Variants in ACTR3C observed in about 807,000 individuals in gnomAD.
ACTR3C encodes actin-related protein 3C.
Under a neutral mutation model 26.3 loss-of-function variants are expected in ACTR3C, and 18 were observed. The observed-to-expected ratio is 0.68, with a 90% confidence interval of 0.47 to 1.01. The LOEUF (loss-of-function observed/expected upper bound fraction) is 1.01, where lower values mean the gene tolerates loss of function less well. Among genes scored for constraint, ACTR3C ranks in the 50% least tolerant of loss-of-function variants. The pLI, the probability that ACTR3C is intolerant of heterozygous loss-of-function variation, is 0.00. For missense variants in ACTR3C, 184 were observed against 250.7 expected (o/e 0.73, Z 1.80); for synonymous variants, 55 against 94.5 (o/e 0.58, Z 2.42).
chr7:150,211,068 A>AGG, the ACTR3C span, among the ~76,000 whole-genome samples: 1 of 150,074 alleles, frequency 6.7e-6, no homozygotes, highest in Non-Finnish European at 1.5e-5. Context: ...AATATGACAA[A>AGG]CACCAATTAA....
the ACTR3C span, among the ~76,000 whole-genome samples, chr7:150,042,569 C>CA: frequency 7.0e-6 from 1 of 142,564 alleles, no homozygotes; most frequent in African/African-American, 2.6e-5. Flanking sequence ...TCTGAGTCCC[C>CA]GCCTCGCGGG....
At chr7:149,919,033 T>C in the ACTR3C span, among the ~76,000 whole-genome samples, 3 of 152,218 alleles carry the variant, frequency 2.0e-5, no homozygotes, top group African/African-American at 7.2e-5. Flanking sequence ...CAGCCTTCTC[T>C]ACAAGTTTTC....
chr7:149,949,418 G>A, the ACTR3C span, among the ~76,000 whole-genome samples: 4 of 145,480 alleles, frequency 2.7e-5, 1 homozygote, highest in African/African-American at 1.1e-4. Flanking sequence ...AAGGAAGGAA[G>A]GAAGGAAGGA....
intron 3 of ACTR3C, among the ~76,000 whole-genome samples, chr7:150,290,342 G>T (rs1027092626): frequency 1.3e-5 from 2 of 152,210 alleles, no homozygotes; most frequent in African/African-American, 4.8e-5. Flanking sequence ...GCAATGATGG[G>T]CCCAAAGCTC....
the ACTR3C span, among the ~76,000 whole-genome samples, chr7:150,146,590 G>A: frequency 9.2e-5 from 14 of 151,942 alleles, no homozygotes; most frequent in East Asian, 2.3e-3. Flanking sequence ...CACATTTCTT[G>A]GCCTCCTTTG....
the ACTR3C span, among the ~76,000 whole-genome samples, chr7:149,897,888 TA>T: frequency 6.6e-6 from 1 of 151,302 alleles, no homozygotes. Flanking sequence ...AAAAAAAAAA[TA>T]AAAAAGAGTG....
chr7:150,299,646 C>T lies in ACTR3C; in HGVS notation c.-51-4299G>A, dbSNP rs1268794735. Among the ~76,000 whole-genome samples the T allele has an allele frequency of 4.6e-5, 7 of 151,796 alleles. No individual in the cohort carries two copies. The East Asian group carries it at 7.8e-4, about 17-fold the overall frequency. On this transcript the variant is annotated intron_variant, in intron 1 of 7. Transcript: ENST00000683684. The stretch of plus-strand genomic sequence containing the variant: ...GCTAAAAATACAAAAATTAGCTGGG[C>T]GTGGTGGTGCACGCCTGTAATCCCA...
At chr7:150,143,092 A>G in the ACTR3C span, among the ~76,000 whole-genome samples, 1 of 152,178 alleles carries the variant, frequency 6.6e-6, no homozygotes, top group Non-Finnish European at 1.5e-5. Context: ...TAGGCCTCCC[A>G]AAGTGCTGGG....
rs1303879857 is a variant in ACTR3C at position 150,287,555 on chromosome 7, G to A, written c.298-1015C>T. On this transcript the variant is annotated intron_variant, in intron 4 of 7. Coordinates refer to ENST00000683684, the MANE Select transcript of ACTR3C (RefSeq NM_001164458.2). ...ACCCCCAGATACTTGCTGCCTACAG[G>A]AAGCACGAGGTGGGCCGCCCAGCTG... Among the ~76,000 whole-genome samples the A allele has an allele frequency of 2.6e-5, 4 of 152,212 alleles. No homozygotes were observed. In the South Asian group the frequency reaches 8.3e-4, roughly 32 times the overall value.
chr7:149,905,049 AAATAAT>A, the ACTR3C span, among the ~76,000 whole-genome samples: 2 of 151,570 alleles, frequency 1.3e-5, no homozygotes, highest in East Asian at 3.9e-4. Flanking sequence ...ATAAAAATAA[AAATAAT>A]AATAATAATC....
chr7:150,030,824 G>A, the ACTR3C span, among the ~76,000 whole-genome samples: 2 of 149,262 alleles, frequency 1.3e-5, no homozygotes, highest in South Asian at 4.1e-4. Context: ...CTGCAGGGCT[G>A]ACCGCTGCAT....
At chr7:150,162,433 C>A in the ACTR3C span, among the ~76,000 whole-genome samples, 1 of 152,092 alleles carries the variant, frequency 6.6e-6, no homozygotes, top group Non-Finnish European at 1.5e-5. Context: ...TCAAGCAATT[C>A]TCCTGCCTCA....
chr7:150,256,175 G>A (rs1208851137), intron 6 of ACTR3C, among the ~76,000 whole-genome samples: 1 of 152,214 alleles, frequency 6.6e-6, no homozygotes, highest in Non-Finnish European at 1.5e-5. Flanking sequence ...GTCCTCCATG[G>A]ATGGACATCT....
the ACTR3C span, among the ~76,000 whole-genome samples, chr7:150,045,811 G>A: frequency 2.0e-5 from 3 of 152,022 alleles, no homozygotes. Flanking sequence ...TTCTCCTAGC[G>A]ACACCTAGAG....
chr7:150,278,938 C>T (rs370066251), intron 6 of ACTR3C, among the ~76,000 whole-genome samples: 1 of 152,146 alleles, frequency 6.6e-6, no homozygotes, highest in East Asian at 1.9e-4. Context: ...ACAAAAAAAC[C>T]AATGATATGT....
downstream of ACTR3C, among the ~76,000 whole-genome samples, chr7:150,239,865 C>T (rs926936419): frequency 6.6e-6 from 1 of 151,978 alleles, no homozygotes; most frequent in Non-Finnish European, 1.5e-5. Context: ...GATCCTCCCA[C>T]CTCAGCCTCC....
At chr7:150,250,065 T>C (rs141525018) in intron 6 of ACTR3C, among the ~76,000 whole-genome samples, 10,296 of 151,768 alleles carry the variant, frequency 0.068, 1,143 homozygotes, top group African/African-American at 0.24. Flanking sequence ...GAGGGGTGGC[T>C]GGAGCTTCGC....
At chr7:150,226,744 C>A in the ACTR3C span, among the ~76,000 whole-genome samples, 1 of 152,008 alleles carries the variant, frequency 6.6e-6, no homozygotes, top group Non-Finnish European at 1.5e-5. Flanking sequence ...CGCCTCATTG[C>A]CGTTTTAATT....
the ACTR3C span, among the ~76,000 whole-genome samples, chr7:150,220,056 A>G: frequency 2.0e-5 from 3 of 146,990 alleles, no homozygotes; most frequent in Non-Finnish European, 4.4e-5. Flanking sequence ...ACAAAACAGC[A>G]TACGTTCTCT....
Sources: allele counts gnomAD v4.1 joint callset (sites outside exome capture counted in the v4.1 genomes callset), GRCh38; gene constraint gnomAD v4.1.1; transcripts MANE v1.5; gene names NCBI Gene and HGNC (gene_info 2026-07-23, HGNC 2026-07-21).